The following UPRT variants were observed in gnomAD, a reference collection of about 807,000 sequenced individuals.
The protein encoded by UPRT is RP11-311P8.3.
UPRT carries 5 observed loss-of-function variants against 22.6 expected under a neutral mutation model. The observed-to-expected ratio is 0.22, with a 90% CI of 0.12 to 0.47. The LOEUF (loss-of-function observed/expected upper bound fraction) is 0.47. Among genes scored for constraint, UPRT ranks in the 20% least tolerant of loss-of-function variants. The probability of loss-of-function intolerance (pLI) is 0.99; values close to 1 mark genes in which losing one functional copy is unlikely to be tolerated. For synonymous variants in UPRT, 77 were observed against 87.7 expected (o/e 0.88, Z 0.68); for missense variants, 181 against 239.9 (o/e 0.75, Z 1.62).
chrX:75,293,916 C>T (rs898899279), intron 2 of UPRT, among the ~76,000 whole-genome samples: 1 of 111,188 alleles, frequency 9.0e-6, no homozygotes, highest in Non-Finnish European at 1.9e-5. Context: ...TAGTTTACGG[C>T]GGCAGCAGGG....
intron 3 of UPRT, among the ~76,000 whole-genome samples, chrX:75,166,378 A>C (rs915950376): frequency 2.7e-5 from 3 of 111,902 alleles, no homozygotes; most frequent in Non-Finnish European, 3.8e-5. Context: ...TCCACTCAGT[A>C]GGGATAGTGT....
chrX:75,289,373 AC>A lies in UPRT; in HGVS notation c.387-4098del, dbSNP rs764988682. On this transcript the variant is annotated intron_variant, in intron 1 of 6. Coordinates refer to ENST00000373383, the MANE Select transcript of UPRT (RefSeq NM_145052.4). ...GAATCAATTTTGGTAAAATGGATAC[AC>A]TGCCCAAAGCAATCTATAGATCCAA... Among the ~76,000 whole-genome samples the A allele has an allele frequency of 3.0e-3, 332 of 111,374 alleles. 1 individual carries two copies. Among genetic ancestry groups the A allele is most frequent in the African/African-American group, 9.9e-3 (304 of 30,654 alleles).
At chrX:75,180,029 G>A (rs1337684520) in intron 4 of UPRT, among the ~76,000 whole-genome samples, 1 of 112,739 alleles carries the variant, frequency 8.9e-6, no homozygotes, top group Non-Finnish European at 1.9e-5. Flanking sequence ...AGGCAGAGGA[G>A]GTGCCAAGAG....
At chrX:75,297,643 T>C in intron 4 of UPRT, 90 bp downstream of exon 4, 3 of 994,327 alleles carry the variant, frequency 3.0e-6, no homozygotes, top group Non-Finnish European at 2.9e-6. Context: ...TCTGTCATAA[T>C]TGCAGCCTGC....
chrX:75,194,343 A>G (rs1292799099), intron 4 of UPRT, among the ~76,000 whole-genome samples: 1 of 111,083 alleles, frequency 9.0e-6, no homozygotes, highest in South Asian at 3.8e-4. Flanking sequence ...TAGAGAGGCC[A>G]AAGTGTTCTC....
intron 4 of UPRT, among the ~76,000 whole-genome samples, chrX:75,188,979 G>A (rs939682780): frequency 1.8e-5 from 2 of 112,136 alleles, no homozygotes; most frequent in Non-Finnish European, 3.8e-5. Context: ...CCCATCTTCT[G>A]CATCGCGCAC....
chrX:75,261,050 A>T (rs1406925128), intron 4 of UPRT, among the ~76,000 whole-genome samples: 1 of 112,018 alleles, frequency 8.9e-6, no homozygotes, highest in Non-Finnish European at 1.9e-5. Flanking sequence ...GTTCTTTGAA[A>T]CCAATGAGAA....
At chrX:75,248,229 GAGA>G (rs1000714465) in intron 4 of UPRT, among the ~76,000 whole-genome samples, 1 of 112,014 alleles carries the variant, frequency 8.9e-6, no homozygotes, top group Non-Finnish European at 1.9e-5. Flanking sequence ...ACTTTGACGA[GAGA>G]AGAAGGCTTC....
Position 75,289,106 on chromosome X carries a change from C to T in UPRT, c.387-4366C>T, listed in dbSNP as rs376137599. On this transcript the variant is annotated intron_variant, in intron 1 of 6. Transcript: ENST00000373383. ...ATTTACAGGGCTGGGCATGGTGGCT[C>T]GCCAAAGCAGGAGGATCACTTGAGC... Among the ~76,000 whole-genome samples, 8 of 110,564 alleles carry T rather than the reference C, an allele frequency of 7.2e-5. No individual in the cohort carries two copies. In the South Asian group the frequency reaches 3.1e-3, roughly 43 times the overall value.
At chrX:75,223,447 A>T (rs2082415662) in intron 4 of UPRT, among the ~76,000 whole-genome samples, 1 of 110,860 alleles carries the variant, frequency 9.0e-6, no homozygotes, top group Non-Finnish European at 1.9e-5. Context: ...GGCCTTGACT[A>T]CTTTTTATGT....
intron 4 of UPRT, among the ~76,000 whole-genome samples, chrX:75,187,256 A>G (rs963265684): frequency 6.3e-5 from 7 of 110,399 alleles, no homozygotes; most frequent in African/African-American, 1.6e-4. Flanking sequence ...TGTCTGTAAA[A>G]TATTTTATTT....
upstream of UPRT, among the ~76,000 whole-genome samples, chrX:75,269,110 C>A (rs766517325): frequency 6.3e-5 from 7 of 110,533 alleles, no homozygotes; most frequent in Admixed American, 9.6e-5. Context: ...TCCTATACAC[C>A]AATAACAGAC....
intron 4 of UPRT, among the ~76,000 whole-genome samples, chrX:75,256,577 A>G (rs1449532677): frequency 8.9e-6 from 1 of 111,830 alleles, no homozygotes; most frequent in African/African-American, 3.2e-5. Flanking sequence ...AATGAAACAA[A>G]AAGCTGGTTC....
intron 2 of UPRT, among the ~76,000 whole-genome samples, chrX:75,161,009 A>G (rs1421864060): frequency 2.7e-5 from 3 of 112,881 alleles, no homozygotes; most frequent in Non-Finnish European, 5.6e-5. Context: ...ATGAATATAT[A>G]AACACATACA....
intron 4 of UPRT, among the ~76,000 whole-genome samples, chrX:75,267,135 G>A (rs890958109): frequency 3.1e-4 from 35 of 111,649 alleles, no homozygotes; most frequent in Non-Finnish European, 4.0e-4. Context: ...AGACACATGC[G>A]CATGTATGTT....
chrX:75,272,310 G>GTATATATATATATACACATATA (rs1569279411), upstream of UPRT, among the ~76,000 whole-genome samples: 2 of 88,441 alleles, frequency 2.3e-5, no homozygotes, highest in African/African-American at 4.5e-5. Context: ...GTATATATAT[G>GTATATATATATATACACATATA]TGTATATATA....
chrX:75,296,229 T>G (rs780373032), intron 2 of UPRT, 113 bp from the exon 3 acceptor site: 167 of 703,765 alleles, frequency 2.4e-4, no homozygotes, highest in Non-Finnish European at 3.2e-4. Flanking sequence ...CCTCCACAAG[T>G]GAAACCTTTG....
rs2082215073 is a variant in UPRT, at chrX:75,167,035, C to T, written c.-520-771C>T. Among the ~76,000 whole-genome samples the T allele has an allele frequency of 5.4e-5, 6 of 111,828 alleles. 1 individual carries two copies. In the Admixed American group the frequency reaches 5.7e-4, roughly 11 times the overall value. ...TATACATCCCTTGGGTGTACATGTG[C>T]ATGCATTTCTTTTGTGAATAGACTT... On this transcript the variant is annotated intron_variant, in intron 3 of 13. Coordinates refer to the UPRT transcript ENST00000652605.
chrX:75,292,119 ACTTCTTT>A (rs2082710506), intron 1 of UPRT, among the ~76,000 whole-genome samples: 1 of 111,898 alleles, frequency 8.9e-6, no homozygotes. Context: ...TCAAATCCAG[ACTTCTTT>A]CTTGTTGAAA....
Sources: gnomAD v4.1 joint callset for allele counts (sites outside exome capture counted in the v4.1 genomes callset) on GRCh38, gnomAD v4.1.1 for gene constraint, MANE v1.5 for transcripts, NCBI Gene and HGNC (gene_info 2026-07-23, HGNC 2026-07-21) for gene names.